NTN1: variants seen among roughly 807,000 people sequenced by gnomAD.
NTN1 encodes the protein netrin 1.
A neutral mutation model predicts 54.2 loss-of-function variants in NTN1; 11 were observed. The ratio of observed to expected loss-of-function variants is 0.20; its 90% CI spans 0.13 to 0.34. The LOEUF (loss-of-function observed/expected upper bound fraction) is 0.34. Ranked by LOEUF, NTN1 falls within the 10% of genes least tolerant of loss-of-function variation. NTN1 has a pLI of 1.00. For missense variants in NTN1, 740 were observed against 893.1 expected, an observed-to-expected ratio of 0.83 and a Z score of 2.18; for synonymous variants, 371 against 382.0, an observed-to-expected ratio of 0.97 and a Z score of 0.33.
rs564296441 is a variant in NTN1, at chr17:9,022,514, C to T, written c.141C>T (p.His47=). The T allele has an allele frequency of 2.6e-5, 41 of 1,547,732 alleles. No homozygotes were observed. Among genetic ancestry groups the T allele is most frequent in the Non-Finnish European group, 3.5e-5 (40 of 1,150,194 alleles). ...QPDPCSDENG[H]PRRCIPDFVN... is the part of the protein sequence containing the mutation. Reference sequence around the variant, plus strand: ...ATCCCTGCTCGGACGAGAACGGCCACCCGCGCCGCTGCATCCCGGACTTTG... The same window carrying T: ...ATCCCTGCTCGGACGAGAACGGCCATCCGCGCCGCTGCATCCCGGACTTTG... The change falls in exon 2 of 7, where the codon CAC becomes CAT. Residue 47 remains histidine (H), a synonymous_variant. Transcript: ENST00000173229.
intron 5 of NTN1, among the ~76,000 whole-genome samples, chr17:9,213,801 C>T (rs1444623215): frequency 2.0e-5 from 3 of 152,180 alleles, no homozygotes; most frequent in Non-Finnish European, 4.4e-5. Flanking sequence ...CCAGACATCT[C>T]TCATGACTAT....
chr17:9,235,738 CTTTTTTTTTTTCTTT>C (rs1567748737), intron 6 of NTN1, among the ~76,000 whole-genome samples: 2 of 55,236 alleles, frequency 3.6e-5, no homozygotes, highest in African/African-American at 4.9e-5. Flanking sequence ...CTTCTTTCTT[CTTTTTTTTTTTCTTT>C]TTTTTTTTTT....
intron 2 of NTN1, among the ~76,000 whole-genome samples, chr17:9,104,912 G>C (rs1294663295): frequency 6.6e-6 from 1 of 152,214 alleles, no homozygotes; most frequent in Non-Finnish European, 1.5e-5. Flanking sequence ...GTCAGAGCCA[G>C]ATTCCTCAAC....
At chr17:9,182,487 C>G (rs771201824) in intron 4 of NTN1, among the ~76,000 whole-genome samples, 2 of 152,318 alleles carry the variant, frequency 1.3e-5, no homozygotes, top group Admixed American at 1.3e-4. Context: ...CAGCCCCTTG[C>G]GTGCTATCCT....
chr17:9,106,411 T>C (rs1283749249), intron 2 of NTN1, among the ~76,000 whole-genome samples: 3 of 152,224 alleles, frequency 2.0e-5, no homozygotes, highest in Admixed American at 2.0e-4. Flanking sequence ...CATGTAGTTT[T>C]GGTTCTGACC....
intron 2 of NTN1, among the ~76,000 whole-genome samples, chr17:9,062,043 G>A (rs767862130): frequency 3.3e-5 from 5 of 152,296 alleles, no homozygotes; most frequent in East Asian, 1.9e-4. Flanking sequence ...ATGAAATGGC[G>A]TAAACGATGG....
At chr17:9,234,305 C>A (rs1446527946) in intron 6 of NTN1, among the ~76,000 whole-genome samples, 1 of 152,204 alleles carries the variant, frequency 6.6e-6, no homozygotes, top group South Asian at 2.1e-4. Context: ...CCCCACCCCA[C>A]CTGCATGCAG....
intron 2 of NTN1, among the ~76,000 whole-genome samples, chr17:9,117,070 G>A (rs376836954): frequency 3.5e-4 from 54 of 152,190 alleles, no homozygotes; most frequent in African/African-American, 1.3e-3. Flanking sequence ...CTCTGGGAGC[G>A]ACACCCGGGG....
At chr17:9,058,436 G>T (rs767709646) in intron 2 of NTN1, among the ~76,000 whole-genome samples, 2 of 152,038 alleles carry the variant, frequency 1.3e-5, no homozygotes, top group African/African-American at 4.8e-5. Context: ...ATTGAATGCC[G>T]TGTAGGGAAT....
chr17:9,004,321 CA>C, the NTN1 span, among the ~76,000 whole-genome samples: 1 of 152,226 alleles, frequency 6.6e-6, no homozygotes, highest in South Asian at 2.1e-4. Flanking sequence ...GGTCGACCTG[CA>C]CAGACTTTTT....
chr17:9,163,278 A>G (rs1367595583), intron 3 of NTN1, among the ~76,000 whole-genome samples: 1 of 151,760 alleles, frequency 6.6e-6, no homozygotes, highest in African/African-American at 2.4e-5. Flanking sequence ...ATCCCCTACA[A>G]GGGTGCAGGG....
At chr17:9,226,156 T>TGGGGTGG (rs1905535043) in intron 6 of NTN1, among the ~76,000 whole-genome samples, 1 of 31,284 alleles carries the variant, frequency 3.2e-5, no homozygotes, top group South Asian at 1.0e-3. Flanking sequence ...CAAAGGGATT[T>TGGGGTGG]GGGGTCGGGG....
Position 9,078,528 on chromosome 17 carries a change from G to A in NTN1, c.1018+55137G>A, listed in dbSNP as rs567589145. Among the ~76,000 whole-genome samples, 4 of 152,338 alleles carry A rather than the reference G, an allele frequency of 2.6e-5. No homozygotes were observed. In the South Asian group the frequency reaches 8.3e-4, roughly 32 times the overall value. ...GTCTGCATGAATTCTGGCAGAAATAGCTTCAGCCTTACCACATTTCAGGGT... is the reference window on the plus strand; with the variant it reads ...GTCTGCATGAATTCTGGCAGAAATAACTTCAGCCTTACCACATTTCAGGGT... On this transcript the variant is annotated intron_variant, in intron 2 of 6. Transcript: ENST00000173229.
At position 9,231,868 on chromosome 17, in the gene NTN1, G is replaced by T. The variant is rs1253683105; in HGVS notation, c.1487-7772G>T. Among the ~76,000 whole-genome samples, 3 of 152,242 alleles carry T rather than the reference G, an allele frequency of 2.0e-5. No homozygotes were observed. In the East Asian group the frequency reaches 5.8e-4, roughly 29 times the overall value. ...GCTTTCTCACTTTCCCTCCTCCAGA[G>T]GCTGGGCCCCCATTGCTGCTGAGGG... On this transcript the variant is annotated intron_variant, in intron 6 of 6. Transcript: ENST00000173229.
chr17:9,184,304 C>G (rs145259791), intron 5 of NTN1, among the ~76,000 whole-genome samples: 16 of 152,246 alleles, frequency 1.1e-4, no homozygotes, highest in South Asian at 8.3e-4. Context: ...TTTGGTTGAG[C>G]CCCATGCAGG....
At chr17:9,007,396 TTC>T in the NTN1 span, among the ~76,000 whole-genome samples, 52 of 150,862 alleles carry the variant, frequency 3.4e-4, no homozygotes, top group African/African-American at 1.2e-3. Flanking sequence ...CTTTCTCTCT[TTC>T]TCTCTTCTTT....
At chr17:9,125,072 A>G (rs532161820) in intron 2 of NTN1, among the ~76,000 whole-genome samples, 19 of 151,754 alleles carry the variant, frequency 1.3e-4, no homozygotes, top group Non-Finnish European at 2.4e-4. Flanking sequence ...TCCACCTTTT[A>G]TTTTTTTAAG....
At chr17:9,232,053 G>A (rs1905833624) in intron 6 of NTN1, among the ~76,000 whole-genome samples, 2 of 152,214 alleles carry the variant, frequency 1.3e-5, no homozygotes, top group Non-Finnish European at 2.9e-5. Flanking sequence ...TGAGCCAGAG[G>A]TGGGAGGGCC....
chr17:9,238,475 C>T (rs1237839198), intron 6 of NTN1, among the ~76,000 whole-genome samples: 1 of 152,120 alleles, frequency 6.6e-6, no homozygotes, highest in East Asian at 1.9e-4. Context: ...GTGAGTACAG[C>T]AGAGGCCCCT....
Sources: allele counts gnomAD v4.1 joint callset (sites outside exome capture counted in the v4.1 genomes callset), GRCh38; gene constraint gnomAD v4.1.1; transcripts MANE v1.5; gene names NCBI Gene and HGNC (gene_info 2026-07-23, HGNC 2026-07-21).